SLCO2B1: variants seen among roughly 807,000 people sequenced by gnomAD.
SLCO2B1 encodes OATP-RP2.
A neutral mutation model predicts 67.3 loss-of-function variants in SLCO2B1; 41 were observed. The ratio of observed to expected loss-of-function variants is 0.61; its 90% CI spans 0.47 to 0.79. The LOEUF (loss-of-function observed/expected upper bound fraction) is 0.79, where lower values mean the gene tolerates loss of function less well. Among genes scored for constraint, SLCO2B1 ranks in the 30% least tolerant of loss-of-function variants. The pLI, the probability that SLCO2B1 is intolerant of heterozygous loss-of-function variation, is 0.00. For missense variants in SLCO2B1, 837 were observed against 920.1 expected, an observed-to-expected ratio of 0.91 and a Z score of 1.17; for synonymous variants, 379 against 381.4, an observed-to-expected ratio of 0.99 and a Z score of 0.07.
chr11:75,201,626 A>G (rs994946859), intron 11 of SLCO2B1: 2 of 152,136 alleles, frequency 1.3e-5, no homozygotes, highest in African/African-American at 4.8e-5. Flanking sequence ...CCCATCTTTG[A>G]GTTTGCTTTA....
At chr11:75,199,682 T>C (rs1291233091) in intron 10 of SLCO2B1, 1 of 152,512 alleles carries the variant, frequency 6.6e-6, no homozygotes, top group African/African-American at 2.4e-5. Flanking sequence ...CCTGTGTGGC[T>C]GGGGCACATG....
chr11:75,191,447 G>A (rs562419613), intron 8 of SLCO2B1, among the ~76,000 whole-genome samples: 2 of 152,316 alleles, frequency 1.3e-5, no homozygotes, highest in East Asian at 3.9e-4. Context: ...GTGCAGCAAG[G>A]AACCAGGGAC....
chr11:75,204,324 C>A, intron 13 of SLCO2B1, 76 bp from the exon 14 acceptor site: 1 of 1,420,290 alleles, frequency 7.0e-7, no homozygotes. Flanking sequence ...TCTGATTTCA[C>A]AATGAGTGAT....
chr11:75,182,794 C>T (rs540348786), intron 7 of SLCO2B1, among the ~76,000 whole-genome samples: 13 of 152,010 alleles, frequency 8.6e-5, no homozygotes, highest in Middle Eastern at 6.8e-3. Context: ...TGGGAGCAGA[C>T]GACATTGTGG....
Position 75,193,361 on chromosome 11 carries a change from T to C in SLCO2B1, c.1219T>C (p.Ser407Pro), listed in dbSNP as rs1387692248. The C allele has an allele frequency of 1.2e-6, 2 of 1,614,070 alleles. No homozygotes were observed. The change falls in exon 9 of 14, where the codon TCC becomes CCC. Residue 407 changes from serine (S) to proline (P), a missense_variant. Transcript: ENST00000289575. The surrounding 1 kb of genome is among the most constrained non-coding windows in gnomAD (Gnocchi z 4.2). The stretch of plus-strand genomic sequence containing the variant: ...GGAGCGCCAGTTTTCCATCACAGCC[T>C]CCTACGCCAACCTGCTCATCGGCTG... Reference protein sequence around the residue: ...FLERQFSITASYANLLIGCLS... With the variant: ...FLERQFSITAPYANLLIGCLS...
chr11:75,204,393 T>C lies in SLCO2B1; in HGVS notation c.1950-7T>C. 6.3e-7 allele frequency: 1 copy of C among 1,595,132 alleles called. No individual in the cohort carries two copies. Among genetic ancestry groups the C allele is most frequent in the Non-Finnish European group, 8.5e-7 (1 of 1,170,494 alleles). ...CTTGAGTTCAAGGGTCCCCATTCTT[T>C]CCCCAGGTTCATCGGCCTCCAGTTC... On this transcript the variant is annotated splice_polypyrimidine_tract_variant and splice_region_variant and intron_variant, in intron 13 of 13. Coordinates refer to ENST00000289575, the MANE Select transcript of SLCO2B1 (RefSeq NM_007256.5).
intron 13 of SLCO2B1, 55 bp from the exon 14 acceptor site, chr11:75,204,345 G>A (rs1228031742): frequency 1.9e-5 from 28 of 1,512,970 alleles, no homozygotes; most frequent in Non-Finnish European, 2.3e-5. Flanking sequence ...GACTGCTGAC[G>A]TCCATGCCCT....
intron 5 of SLCO2B1, 97 bp downstream of exon 5, chr11:75,169,503 C>A (rs1429702560): frequency 1.0e-5 from 13 of 1,260,912 alleles, no homozygotes; most frequent in African/African-American, 1.5e-5. Context: ...GGAATCCCTG[C>A]CCCCTGCCCC....
chr11:75,164,755 T>C (rs1466543661), intron 3 of SLCO2B1, among the ~76,000 whole-genome samples: 1 of 152,164 alleles, frequency 6.6e-6, no homozygotes, highest in Admixed American at 6.5e-5. Context: ...GTGTCATATT[T>C]CTCACAACCC....
intron 8 of SLCO2B1, among the ~76,000 whole-genome samples, chr11:75,190,010 C>A (rs1944994761): frequency 6.6e-6 from 1 of 151,760 alleles, no homozygotes; most frequent in Non-Finnish European, 1.5e-5. Context: ...GTAATCTAGC[C>A]CCCAGTTTTT....
intron 8 of SLCO2B1, among the ~76,000 whole-genome samples, chr11:75,189,924 T>C (rs1944993202): frequency 6.7e-6 from 1 of 148,680 alleles, no homozygotes; most frequent in Non-Finnish European, 1.5e-5. Context: ...ATCTGGCCGC[T>C]GCGCTCCAGC....
intron 4 of SLCO2B1, among the ~76,000 whole-genome samples, chr11:75,166,673 T>G (rs763411909): frequency 2.4e-4 from 36 of 150,676 alleles, no homozygotes; most frequent in Non-Finnish European, 4.7e-4. Flanking sequence ...ATCCATCCAA[T>G]GGGACACGCA....
rs75987864 is a variant in SLCO2B1, at chr11:75,169,312, G to A, written c.588G>A (p.Gln196=). ...LSVVGIMFVA[Q]TLLGVGGVPI... is the part of the protein sequence containing the mutation. ...TGGTGGGGATCATGTTCGTGGCACA[G>A]ACCCTGCTGGGCGTGGGCGGGGTGC... Residue 196 remains glutamine (Q), a synonymous_variant, in exon 5 of 14, where the codon CAG becomes CAA. Coordinates refer to ENST00000289575, the MANE Select transcript of SLCO2B1 (RefSeq NM_007256.5). 37,699 of 1,614,116 alleles carry A rather than the reference G, an allele frequency of 0.023. 545 individuals are homozygous for A. Among genetic ancestry groups the A allele is most frequent in the Non-Finnish European group, 0.027 (32,298 of 1,180,004 alleles).
chr11:75,173,355 C>T (rs1202891702), intron 7 of SLCO2B1, among the ~76,000 whole-genome samples: 1 of 152,208 alleles, frequency 6.6e-6, no homozygotes, highest in Non-Finnish European at 1.5e-5. Flanking sequence ...CACAGAAGCA[C>T]CCTGCATGAA....
At position 75,188,141 on chromosome 11, in the gene SLCO2B1, G is replaced by A; in HGVS notation, c.978G>A (p.Lys326=). ...AVTDSPARKG[K]DSPSKQSPGE... is the part of the protein sequence containing the mutation. ...TGGTTTTGTGTCTCCTTCAGGGCAA[G>A]GACTCTCCCTCTAAGCAGAGCCCTG... Residue 326 remains lysine, a synonymous_variant, in exon 8 of 14, where the codon AAG becomes AAA. Coordinates refer to ENST00000289575, the MANE Select transcript of SLCO2B1 (RefSeq NM_007256.5). 6.2e-7 allele frequency: 1 copy of A among 1,612,752 alleles called. No homozygotes were observed. Among genetic ancestry groups the A allele is most frequent in the Non-Finnish European group, 8.5e-7 (1 of 1,179,236 alleles).
chr11:75,177,893 C>T (rs140749636), intron 7 of SLCO2B1, among the ~76,000 whole-genome samples: 1 of 151,994 alleles, frequency 6.6e-6, no homozygotes, highest in East Asian at 1.9e-4. Flanking sequence ...GTCAGGAGTT[C>T]GAGACTGGCC....
intron 7 of SLCO2B1, among the ~76,000 whole-genome samples, chr11:75,174,014 C>T (rs543965739): frequency 1.3e-5 from 2 of 152,054 alleles, no homozygotes; most frequent in Admixed American, 6.6e-5. Flanking sequence ...GTTGGCCAGG[C>T]TGGTCTCGAA....
At chr11:75,159,397 C>A (rs975523489) in intron 1 of SLCO2B1, among the ~76,000 whole-genome samples, 1 of 152,226 alleles carries the variant, frequency 6.6e-6, no homozygotes, top group African/African-American at 2.4e-5. Flanking sequence ...CCTTCATTCC[C>A]GCAGGCAACC....
chr11:75,165,742 C>A (rs1949881228), intron 3 of SLCO2B1, 45 bp from the exon 4 acceptor site: 2 of 1,601,614 alleles, frequency 1.2e-6, no homozygotes, highest in African/African-American at 2.7e-5. Flanking sequence ...GGCCCCCAGC[C>A]CTGGGAACTG....
Sources: gnomAD v4.1 joint callset for allele counts (sites outside exome capture counted in the v4.1 genomes callset) on GRCh38, gnomAD v4.1.1 for gene constraint, Gnocchi (gnomAD v3.1) non-coding constraint, MANE v1.5 for transcripts, NCBI Gene and HGNC (gene_info 2026-07-23, HGNC 2026-07-21) for gene names.